VSTM4: variants seen among roughly 807,000 people sequenced by gnomAD.
VSTM4 encodes V-set and transmembrane domain-containing protein 4.
VSTM4 carries 20 observed loss-of-function variants against 36.4 expected under a neutral mutation model. The ratio of observed to expected loss-of-function variants is 0.55; its 90% CI spans 0.39 to 0.80. The LOEUF is 0.80. Among genes scored for constraint, VSTM4 ranks in the 30% least tolerant of loss-of-function variants. The pLI is 0.00. For missense variants in VSTM4, 392 were observed against 404.5 expected, an observed-to-expected ratio of 0.97 and a Z score of 0.26; for synonymous variants, 182 against 173.9, an observed-to-expected ratio of 1.05 and a Z score of -0.37.
chr10:49,089,406 A>C (rs1428042460), intron 2 of VSTM4, among the ~76,000 whole-genome samples: 7 of 152,216 alleles, frequency 4.6e-5, no homozygotes, highest in African/African-American at 1.7e-4. Context: ...AGCTGCTGCC[A>C]TTCTAACCAA....
At chr10:49,049,912 C>T (rs772426753) in intron 5 of VSTM4, among the ~76,000 whole-genome samples, 2 of 152,284 alleles carry the variant, frequency 1.3e-5, no homozygotes, top group African/African-American at 2.4e-5. Context: ...AAATTACAGG[C>T]GCTTAGACTC....
intron 2 of VSTM4, chr10:49,103,768 T>C: frequency 1.2e-6 from 2 of 1,613,886 alleles, no homozygotes; most frequent in South Asian, 2.2e-5. Flanking sequence ...AAGGAGGCCA[T>C]GGTTAAGTCT....
chr10:49,092,926 A>C (rs1844502615), intron 2 of VSTM4, among the ~76,000 whole-genome samples: 1 of 152,126 alleles, frequency 6.6e-6, no homozygotes, highest in Non-Finnish European at 1.5e-5. Context: ...CACCAGGCAG[A>C]GTTTGGCCGA....
intron 5 of VSTM4, chr10:49,064,408 T>C: frequency 2.4e-6 from 1 of 415,592 alleles, no homozygotes; most frequent in Non-Finnish European, 4.4e-6. Context: ...TCAGAGCAAG[T>C]GTGAGCCCCT....
intron 5 of VSTM4, among the ~76,000 whole-genome samples, chr10:49,061,650 G>C (rs1420956269): frequency 6.6e-6 from 1 of 152,090 alleles, no homozygotes; most frequent in Non-Finnish European, 1.5e-5. Flanking sequence ...CCTCTAGTAA[G>C]GTTTTTTGCC....
At chr10:49,045,715 G>A (rs190545685) in intron 7 of VSTM4, among the ~76,000 whole-genome samples, 157 of 152,264 alleles carry the variant, frequency 1.0e-3, no homozygotes, top group African/African-American at 3.7e-3. Flanking sequence ...TCAAAGTAAA[G>A]AAACCTGGCA....
chr10:49,073,602 C>G (rs7911808), intron 4 of VSTM4, among the ~76,000 whole-genome samples: 2,750 of 152,290 alleles, frequency 0.018, 53 homozygotes, highest in African/African-American at 0.048. Flanking sequence ...ATAATCAGCT[C>G]AAAGCCCATG....
At chr10:49,081,082 C>T (rs2131995804) in intron 3 of VSTM4, among the ~76,000 whole-genome samples, 1 of 152,312 alleles carries the variant, frequency 6.6e-6, no homozygotes, top group South Asian at 2.1e-4. Context: ...AGGGACAGAG[C>T]AAAGTTCACA....
intron 3 of VSTM4, among the ~76,000 whole-genome samples, chr10:49,085,490 T>C (rs1844354016): frequency 6.6e-6 from 1 of 152,236 alleles, no homozygotes; most frequent in African/African-American, 2.4e-5. Flanking sequence ...CATTTTTATA[T>C]CACTTGAAGA....
Position 49,033,426 on chromosome 10 carries a change from T to A in VSTM4, c.837+13557A>T, listed in dbSNP as rs556881064. On this transcript the variant is annotated intron_variant, in intron 7 of 7. Coordinates refer to ENST00000332853, the MANE Select transcript of VSTM4 (RefSeq NM_001031746.5). ...ATTGGGAATATATAATAAATATGGA[T>A]CTACACTTGTATATACAAAAACAAT... 3.9e-5 allele frequency among the ~76,000 whole-genome samples: 6 copies of A among 152,316 alleles called. No homozygotes were observed. In the East Asian group the frequency reaches 1.2e-3, roughly 29 times the overall value.
At chr10:49,037,296 C>A (rs1843445739) in intron 7 of VSTM4, among the ~76,000 whole-genome samples, 1 of 152,200 alleles carries the variant, frequency 6.6e-6, no homozygotes, top group Non-Finnish European at 1.5e-5. Flanking sequence ...TAGTCAGAGC[C>A]ACACTTCTCA....
In VSTM4 at chr10:49,115,424, C is replaced by T. The variant is rs1162599668; in HGVS notation, c.55+7G>A. 4.8e-6 allele frequency: 5 copies of T among 1,039,584 alleles called. No individual in the cohort carries two copies. The African/African-American group carries it at 5.2e-5, about 11-fold the overall frequency. The allele number at this position is 1,039,584 out of a possible 1,614,324, so 64.4% of individuals were successfully genotyped here. ...TTCCCGCTCCCGCCTGGCCCCGCCG[C>T]GCTTACCCGGAGCCGGAGCCCGCGC... On this transcript the variant is annotated splice_region_variant and intron_variant, in intron 1 of 7. Coordinates refer to ENST00000332853, the MANE Select transcript of VSTM4 (RefSeq NM_001031746.5).
chr10:49,085,992 G>A lies in VSTM4; in HGVS notation c.489C>T (p.Ser163=), dbSNP rs1844364496. The A allele has an allele frequency of 1.3e-6, 2 of 1,594,012 alleles. No individual in the cohort carries two copies. The highest frequency in any genetic ancestry group is 2.7e-5 in the African/African-American group (2 of 74,018). Residue 163 remains serine, a synonymous_variant, in exon 3 of 8, where the codon TCC becomes TCT. Transcript: ENST00000332853. ...VISLKASEES[S]FEKTKETWAF... ...CCCAAGTCTCTTTTGTTTTCTCAAA[G>A]GATGACTCTTCAGAAGCTTTGAGGG...
At position 49,048,600 on chromosome 10, in the gene VSTM4, T is replaced by C. The variant is rs1056321384; in HGVS notation, c.669-16A>G. 1 of 1,571,690 alleles carries C rather than the reference T, an allele frequency of 6.4e-7. No homozygotes were observed. Among genetic ancestry groups the C allele is most frequent in the African/African-American group, 1.4e-5 (1 of 71,756 alleles). On this transcript the variant is annotated splice_polypyrimidine_tract_variant and intron_variant, in intron 5 of 7. Coordinates refer to ENST00000332853, the MANE Select transcript of VSTM4 (RefSeq NM_001031746.5). ...CTCCCCTGAGCTGTAGAAGAAAAAGTTTCCAGTGAAACCAAAGGCAGATTT... is the reference window on the plus strand; with the variant it reads ...CTCCCCTGAGCTGTAGAAGAAAAAGCTTCCAGTGAAACCAAAGGCAGATTT...
intron 4 of VSTM4, among the ~76,000 whole-genome samples, chr10:49,073,718 G>C (rs552199444): frequency 6.6e-6 from 1 of 152,320 alleles, no homozygotes; most frequent in South Asian, 2.1e-4. Flanking sequence ...CTTGACCATT[G>C]ATAGGCCATG....
intron 7 of VSTM4, among the ~76,000 whole-genome samples, chr10:49,044,929 C>A (rs1359738109): frequency 2.0e-5 from 3 of 152,140 alleles, no homozygotes; most frequent in African/African-American, 7.2e-5. Context: ...ATCCAAAAAA[C>A]CCGTCACCAA....
chr10:49,027,236 CAA>C (rs1408193113), intron 7 of VSTM4, among the ~76,000 whole-genome samples: 1 of 152,208 alleles, frequency 6.6e-6, no homozygotes, highest in Non-Finnish European at 1.5e-5. Context: ...CATTTTACAA[CAA>C]ACTAATGACC....
intron 5 of VSTM4, among the ~76,000 whole-genome samples, chr10:49,059,618 A>G (rs1183033532): frequency 6.6e-6 from 1 of 152,140 alleles, no homozygotes; most frequent in Non-Finnish European, 1.5e-5. Flanking sequence ...CTGATCATCC[A>G]CAGCTCTGAC....
rs138691243 is a variant in VSTM4 at position 49,097,209 on chromosome 10, T to C, written c.457+10385A>G. Reference sequence around the variant, plus strand: ...TCACCAGGAGCCCCTTGGACACTTATGCTTCATCTTGGAATCTCTCCAGGC... The same window carrying C: ...TCACCAGGAGCCCCTTGGACACTTACGCTTCATCTTGGAATCTCTCCAGGC... On this transcript the variant is annotated intron_variant, in intron 2 of 7. Transcript: ENST00000332853. Among the ~76,000 whole-genome samples, 83 of 152,310 alleles carry C rather than the reference T, an allele frequency of 5.4e-4. 1 individual carries two copies. The East Asian group carries it at 7.9e-3, about 15-fold the overall frequency.
Sources: allele counts gnomAD v4.1 joint callset (sites outside exome capture counted in the v4.1 genomes callset), GRCh38; gene constraint gnomAD v4.1.1; transcripts MANE v1.5; gene names NCBI Gene and HGNC (gene_info 2026-07-23, HGNC 2026-07-21).